MAOA: variants seen among roughly 807,000 people sequenced by gnomAD.
The protein encoded by MAOA is amine oxidase [flavin-containing] A.
A neutral mutation model predicts 42.0 loss-of-function variants in MAOA; 6 were observed. The ratio of observed to expected loss-of-function variants is 0.14; its 90% CI spans 0.08 to 0.28. The LOEUF is 0.28. Ranked by LOEUF, MAOA falls within the 10% of genes least tolerant of loss-of-function variation. The pLI is 1.00. For synonymous variants in MAOA, 140 were observed against 154.0 expected, an observed-to-expected ratio of 0.91 and a Z score of 0.67; for missense variants, 262 against 422.3, an observed-to-expected ratio of 0.62 and a Z score of 3.33.
chrX:43,708,950 T>G (rs2033679683), intron 3 of MAOA, among the ~76,000 whole-genome samples: 1 of 110,727 alleles, frequency 9.0e-6, no homozygotes, highest in Non-Finnish European at 1.9e-5. Context: ...AACCTCTGCC[T>G]CCTGGGTTCA....
At chrX:43,738,594 G>T (rs981785961) in intron 10 of MAOA, among the ~76,000 whole-genome samples, 1 of 111,472 alleles carries the variant, frequency 9.0e-6, no homozygotes, top group Non-Finnish European at 1.9e-5. Context: ...GCTGAGGCAG[G>T]CAGACTGCTT....
At chrX:43,727,041 C>A (rs914553807) in intron 5 of MAOA, among the ~76,000 whole-genome samples, 5 of 112,106 alleles carry the variant, frequency 4.5e-5, no homozygotes, top group Non-Finnish European at 9.4e-5. Context: ...GATCCTTCCT[C>A]TGGAAGCTTT....
chrX:43,719,165 G>A (rs1173448743), intron 5 of MAOA, among the ~76,000 whole-genome samples: 1 of 110,973 alleles, frequency 9.0e-6, no homozygotes, highest in Non-Finnish European at 1.9e-5. Context: ...CAGGAATGTG[G>A]TATAGTCACT....
chrX:43,684,850 CTTTCT>C (rs1239717897), intron 2 of MAOA, among the ~76,000 whole-genome samples: 6 of 95,724 alleles, frequency 6.3e-5, no homozygotes, highest in South Asian at 1.0e-3. Context: ...CTCTGATATT[CTTTCT>C]TTTCTTTTCT....
chrX:43,664,725 C>T (rs1336426537), intron 1 of MAOA, among the ~76,000 whole-genome samples: 2 of 111,974 alleles, frequency 1.8e-5, no homozygotes, highest in Non-Finnish European at 3.8e-5. Context: ...TTGTGCATCA[C>T]TGTATGCCTT....
chrX:43,725,507 T>TG (rs1168539127), intron 5 of MAOA, among the ~76,000 whole-genome samples: 3 of 111,358 alleles, frequency 2.7e-5, no homozygotes, highest in African/African-American at 9.8e-5. Flanking sequence ...TTTTTTTTTT[T>TG]GCTTTCCATC....
At position 43,712,057 on chromosome X, in the gene MAOA, G is replaced by A. The variant is rs183707194; in HGVS notation, c.411+81G>A. ...GTTTAATATCCTTCCATAGTGCAGG[G>A]AACATTGCTCTGGACACCAATGCAT... On this transcript the variant is annotated intron_variant, in intron 4 of 14. Transcript: ENST00000338702. The A allele has an allele frequency of 3.4e-4, 251 of 746,231 alleles. No individual in the cohort carries two copies. In the African/African-American group the frequency reaches 4.5e-3, roughly 13 times the overall value. The allele number at this position is 746,231 out of a possible 1,213,427, so 61.5% of individuals were successfully genotyped here.
chrX:43,707,643 G>C (rs1009658032), intron 3 of MAOA, among the ~76,000 whole-genome samples: 1 of 111,848 alleles, frequency 8.9e-6, no homozygotes, highest in African/African-American at 3.3e-5. Context: ...CTTCTTAGAT[G>C]ATTTTAAAAT....
At chrX:43,706,863 C>A (rs1453788058) in intron 3 of MAOA, among the ~76,000 whole-genome samples, 1 of 110,844 alleles carries the variant, frequency 9.0e-6, no homozygotes, top group African/African-American at 3.3e-5. Flanking sequence ...TCATTTATAT[C>A]TGAGTTTAAT....
At chrX:43,696,741 A>C (rs1020010483) in intron 3 of MAOA, among the ~76,000 whole-genome samples, 2 of 111,588 alleles carry the variant, frequency 1.8e-5, no homozygotes, top group African/African-American at 6.5e-5. Flanking sequence ...GTCTCAAAAA[A>C]AAAAAAAAAA....
At chrX:43,686,053 G>A (rs1475381111) in intron 2 of MAOA, among the ~76,000 whole-genome samples, 1 of 112,043 alleles carries the variant, frequency 8.9e-6, no homozygotes, top group Non-Finnish European at 1.9e-5. Context: ...CTAATTGAAG[G>A]CAGCGTGTTA....
chrX:43,721,571 G>C (rs1488146931), intron 5 of MAOA, among the ~76,000 whole-genome samples: 2 of 111,081 alleles, frequency 1.8e-5, no homozygotes, highest in East Asian at 5.7e-4. Flanking sequence ...GGACATATTG[G>C]TAGCCTGGAC....
chrX:43,656,084 G>A (rs1289915384), upstream of MAOA: 3 of 411,027 alleles, frequency 7.3e-6, no homozygotes, highest in Non-Finnish European at 1.3e-5. Context: ...CTCTCGCCGA[G>A]TGTCAGTACA....
rs745842135 is a variant in MAOA at position 43,712,783 on chromosome X, A to G, written c.490A>G (p.Ile164Val). 2 of 1,201,037 alleles carry G rather than the reference A, an allele frequency of 1.7e-6. No homozygotes were observed. Among genetic ancestry groups the G allele is most frequent in the African/African-American group, 3.5e-5 (2 of 57,087 alleles). ...GACCATGAAAGAGCTCATTGACAAA[A>G]TCTGCTGGACAAAGTAAGTAGACTT... ...KMTMKELIDK[I>V]CWTKTARRFA... Residue 164 changes from isoleucine (I) to valine (V), a missense_variant, in exon 5 of 15, where the codon ATC becomes GTC. Ile to Val is a conservative substitution (Grantham distance 29, BLOSUM62 3). Around this residue, in one of 3 missense-constraint regions of MAOA, gnomAD observed 141 missense variants for 195.6 expected, o/e 0.72. Coordinates refer to ENST00000338702, the MANE Select transcript of MAOA (RefSeq NM_000240.4).
At chrX:43,725,787 C>T (rs1469490291) in intron 5 of MAOA, among the ~76,000 whole-genome samples, 1 of 111,901 alleles carries the variant, frequency 8.9e-6, no homozygotes, top group African/African-American at 3.3e-5. Flanking sequence ...TACAATTTGG[C>T]ATGTTTTTGC....
rs536728701 is a variant in MAOA at position 43,714,418 on chromosome X, T to C, written c.503+1622T>C. On this transcript the variant is annotated intron_variant, in intron 5 of 14. Coordinates refer to ENST00000338702, the MANE Select transcript of MAOA (RefSeq NM_000240.4). ...GTTTGCCATGGATGAACCACCAGGA[T>C]AGTGGGGGAGACAGAAAAGGTTGAT... is the stretch of plus-strand genomic sequence containing the variant. Among the ~76,000 whole-genome samples, 5 of 109,859 alleles carry C rather than the reference T, an allele frequency of 4.6e-5. No homozygotes were observed. In the South Asian group the frequency reaches 2.0e-3, roughly 44 times the overall value.
intron 3 of MAOA, among the ~76,000 whole-genome samples, chrX:43,695,188 A>G (rs771336498): frequency 8.9e-6 from 1 of 111,798 alleles, no homozygotes; most frequent in Non-Finnish European, 1.9e-5. Flanking sequence ...TGGACCTCCA[A>G]TGTTTGTTTG....
At chrX:43,670,691 T>G (rs747357748) in intron 1 of MAOA, among the ~76,000 whole-genome samples, 514 of 101,544 alleles carry the variant, frequency 5.1e-3, no homozygotes, top group African/African-American at 0.018. Flanking sequence ...AGTGAGAACA[T>G]GCGGTGTTTG....
rs1182824719 is a variant in MAOA, at chrX:43,746,513, C to T, written c.*2000C>T. 5 of 111,971 alleles carry T rather than the reference C, an allele frequency of 4.5e-5. No homozygotes were observed. Among genetic ancestry groups the T allele is most frequent in the African/African-American group, 1.6e-4 (5 of 30,755 alleles). 9.2% of individuals were successfully genotyped at this position (111,971 alleles called of 1,213,427 possible). ...GATCTTGGCCCTGTTAAGGCATCCA[C>T]TTCACAGTTCTGAAGGCTGAGTCAG... On this transcript the variant is annotated 3_prime_UTR_variant, in exon 15 of 15. Coordinates refer to ENST00000338702, the MANE Select transcript of MAOA (RefSeq NM_000240.4).
Sources: gnomAD v4.1 joint callset for allele counts (sites outside exome capture counted in the v4.1 genomes callset) on GRCh38, gnomAD v4.1.1 for gene constraint, gnomAD v4.1.1 regional missense constraint, MANE v1.5 for transcripts, NCBI Gene and HGNC (gene_info 2026-07-23, HGNC 2026-07-21) for gene names.